Variants in BBX observed in about 807,000 individuals in gnomAD.
BBX encodes BBX high mobility group box domain containing.
Under a neutral mutation model 100.2 loss-of-function variants are expected in BBX, and 30 were observed. The ratio of observed to expected loss-of-function variants is 0.30; its 90% confidence interval spans 0.22 to 0.41. The LOEUF (loss-of-function observed/expected upper bound fraction) is 0.41. Among genes scored for constraint, BBX ranks in the 10% least tolerant of loss-of-function variants. The pLI is 1.00. For synonymous variants in BBX, 376 were observed against 388.1 expected (o/e 0.97, Z 0.37); for missense variants, 1,023 against 1,129.8 (o/e 0.91, Z 1.35).
rs190622630 is a variant in BBX, at chr3:107,706,492, G to C, written c.-9-3960G>C. Among the ~76,000 whole-genome samples the C allele has an allele frequency of 2.2e-3, 334 of 152,060 alleles. 1 individual carries two copies. The highest frequency in any genetic ancestry group is 4.8e-3 in the African/African-American group (200 of 41,492). ...GTTTTTTTTTCACAAGGTAAATTTTGGTAGGGGGCTTTATATCATCATTTG... is the reference window on the plus strand; with the variant it reads ...GTTTTTTTTTCACAAGGTAAATTTTCGTAGGGGGCTTTATATCATCATTTG... On this transcript the variant is annotated intron_variant, in intron 3 of 17. Transcript: ENST00000325805.
chr3:107,697,618 T>C (rs531796136), intron 3 of BBX, among the ~76,000 whole-genome samples: 2 of 151,980 alleles, frequency 1.3e-5, no homozygotes, highest in East Asian at 3.9e-4. Flanking sequence ...GACAGGGACA[T>C]TTAAGTCTGA....
chr3:107,789,603 G>A (rs1428791966), intron 13 of BBX, among the ~76,000 whole-genome samples, 184 bp from the exon 14 acceptor site: 2 of 152,142 alleles, frequency 1.3e-5, no homozygotes, highest in Non-Finnish European at 2.9e-5. Context: ...ATCTCACTGG[G>A]TTTAAATAAG....
At chr3:107,658,371 C>T (rs992558007) in intron 3 of BBX, among the ~76,000 whole-genome samples, 1 of 152,110 alleles carries the variant, frequency 6.6e-6, no homozygotes, top group Admixed American at 6.6e-5. Context: ...AAAATGCCAT[C>T]AGCAAACAAA....
intron 7 of BBX, among the ~76,000 whole-genome samples, chr3:107,742,352 A>G (rs1439450041): frequency 1.3e-5 from 2 of 149,526 alleles, no homozygotes; most frequent in East Asian, 2.0e-4. Flanking sequence ...CCCTTCTGAT[A>G]CGCTGCCTCT....
chr3:107,630,913 G>C (rs2056506117), intron 2 of BBX, among the ~76,000 whole-genome samples: 3 of 152,170 alleles, frequency 2.0e-5, no homozygotes, highest in African/African-American at 7.2e-5. Context: ...AAGCCATGCT[G>C]TGAAGGTTCC....
At chr3:107,559,380 G>T (rs2050318131) in intron 2 of BBX, among the ~76,000 whole-genome samples, 1 of 152,188 alleles carries the variant, frequency 6.6e-6, no homozygotes, top group Non-Finnish European at 1.5e-5. Flanking sequence ...AGATTGAAAA[G>T]ATACTACAGA....
At chr3:107,719,359 T>A (rs938768786) in intron 5 of BBX, among the ~76,000 whole-genome samples, 5 of 152,018 alleles carry the variant, frequency 3.3e-5, no homozygotes, top group African/African-American at 1.2e-4. Flanking sequence ...GTGAGAAATG[T>A]TTCCTTTTTC....
chr3:107,680,984 C>T (rs954495857), intron 3 of BBX, among the ~76,000 whole-genome samples: 1 of 151,956 alleles, frequency 6.6e-6, no homozygotes, highest in Non-Finnish European at 1.5e-5. Context: ...TGTGTTGTAC[C>T]ATGGTGGCCC....
chr3:107,638,775 AAG>A (rs2057004164), intron 2 of BBX, among the ~76,000 whole-genome samples: 1 of 100,346 alleles, frequency 1.0e-5, no homozygotes, highest in Non-Finnish European at 2.3e-5. Context: ...AAAAAAAAAA[AAG>A]TATACACACA....
intron 5 of BBX, among the ~76,000 whole-genome samples, chr3:107,724,724 G>A (rs1479990853): frequency 6.6e-6 from 1 of 152,054 alleles, no homozygotes; most frequent in African/African-American, 2.4e-5. Context: ...TTGTAGATGT[G>A]TGGTATTATT....
chr3:107,578,967 A>T (rs929092257), intron 2 of BBX, among the ~76,000 whole-genome samples: 1 of 152,150 alleles, frequency 6.6e-6, no homozygotes, highest in Non-Finnish European at 1.5e-5. Context: ...GATGATTTAA[A>T]TATTGGCCCA....
rs2071228901 is a variant in BBX at position 107,810,108 on chromosome 3, A to G, written c.*4651A>G. 6.6e-6 allele frequency: 1 copy of G among 152,080 alleles called. No homozygotes were observed. Among genetic ancestry groups the G allele is most frequent in the Non-Finnish European group, 1.5e-5 (1 of 68,022 alleles). 9.4% of individuals were successfully genotyped at this position (152,080 alleles called of 1,614,324 possible). A position where few individuals can be genotyped will look rare whatever the true frequency, so the allele number is the denominator to read the frequency against. ...TCTTCCTTATATTTCAGAACAAAGAAGCAACAAGCGTGAATAAAAAGACAA... is the reference window on the plus strand; with the variant it reads ...TCTTCCTTATATTTCAGAACAAAGAGGCAACAAGCGTGAATAAAAAGACAA... On this transcript the variant is annotated 3_prime_UTR_variant, in exon 18 of 18. Coordinates refer to ENST00000325805, the MANE Select transcript of BBX (RefSeq NM_001142568.3).
intron 2 of BBX, among the ~76,000 whole-genome samples, chr3:107,566,901 C>T (rs2050959757): frequency 6.6e-6 from 1 of 151,980 alleles, no homozygotes. Flanking sequence ...CTTTTCTTCT[C>T]TGAAATGCCA....
At chr3:107,584,053 A>G (rs1388324973) in intron 2 of BBX, among the ~76,000 whole-genome samples, 1 of 32,576 alleles carries the variant, frequency 3.1e-5, no homozygotes. Flanking sequence ...TATTATATAT[A>G]TTATATATAT....
chr3:107,533,221 C>T (rs1269480424), intron 2 of BBX, among the ~76,000 whole-genome samples: 3 of 152,146 alleles, frequency 2.0e-5, no homozygotes, highest in Admixed American at 2.0e-4. Flanking sequence ...AATCCTGAAG[C>T]ATATCAGGAC....
At chr3:107,589,276 A>G (rs1046474158) in intron 2 of BBX, among the ~76,000 whole-genome samples, 4 of 152,248 alleles carry the variant, frequency 2.6e-5, no homozygotes, top group Non-Finnish European at 5.9e-5. Context: ...AGGAAGGTCA[A>G]TAAATAAGTG....
rs887621579 is a variant in BBX at position 107,798,695 on chromosome 3, G to A, written c.2526G>A (p.Arg842=). The A allele has an allele frequency of 6.2e-7, 1 of 1,613,918 alleles. No homozygotes were observed. Among genetic ancestry groups the A allele is most frequent in the Admixed American group, 1.7e-5 (1 of 59,988 alleles). ...ITHLVRTADG[R]VSPAGGTLDD... ...ACCTTGTCAGGACAGCAGATGGCCG[G>A]GTATCACCAGCAGGAGGTACTTTGG... The change falls in exon 16 of 18, where the codon CGG becomes CGA. Residue 842 remains arginine (R), a synonymous_variant. Coordinates refer to ENST00000325805, the MANE Select transcript of BBX (RefSeq NM_001142568.3).
intron 7 of BBX, among the ~76,000 whole-genome samples, chr3:107,736,993 A>G (rs182634894): frequency 6.6e-6 from 1 of 152,236 alleles, no homozygotes; most frequent in East Asian, 1.9e-4. Flanking sequence ...CTGTGATTTT[A>G]GAATGCCTGT....
intron 2 of BBX, among the ~76,000 whole-genome samples, chr3:107,578,989 A>G (rs1009000105): frequency 2.6e-5 from 4 of 152,172 alleles, no homozygotes; most frequent in African/African-American, 9.7e-5. Context: ...TAAAGATTTT[A>G]TAAGTAATGT....
Sources: allele counts gnomAD v4.1 joint callset (sites outside exome capture counted in the v4.1 genomes callset), GRCh38; gene constraint gnomAD v4.1.1; transcripts MANE v1.5; gene names NCBI Gene and HGNC (gene_info 2026-07-23, HGNC 2026-07-21).